Variants in MALRD1 observed in about 807,000 individuals in gnomAD.
MALRD1 encodes the protein MAM and LDL-receptor class A domain-containing protein 1.
A neutral mutation model predicts 242.1 loss-of-function variants in MALRD1; 247 were observed. The observed-to-expected ratio is 1.02, with a 90% confidence interval of 0.92 to 1.13. The LOEUF (loss-of-function observed/expected upper bound fraction) is 1.13, where lower values mean the gene tolerates loss of function less well. Among genes scored for constraint, MALRD1 ranks in the 50% most tolerant of loss-of-function variants. The pLI, the probability that MALRD1 is intolerant of heterozygous loss-of-function variation, is 0.00. For synonymous variants in MALRD1, 995 were observed against 866.6 expected, an observed-to-expected ratio of 1.15 and a Z score of -2.60; for missense variants, 2,989 against 2,533.1, an observed-to-expected ratio of 1.18 and a Z score of -3.86.
chr10:19,503,406 A>G lies in MALRD1; in HGVS notation c.5320+4760A>G, dbSNP rs754550968. Among the ~76,000 whole-genome samples the G allele has an allele frequency of 8.5e-5, 13 of 152,216 alleles. 1 individual carries two copies. The highest frequency in any genetic ancestry group is 1.3e-4 in the Non-Finnish European group (9 of 68,034). On this transcript the variant is annotated intron_variant, in intron 31 of 39. Transcript: ENST00000454679. ...GTTATCAAGATGAAGAATTAGATAC[A>G]TAAGAGGGCCATTTTCACTGCCCAT...
chr10:19,569,993 ATGAAAAC>A (rs1205316841), intron 33 of MALRD1, among the ~76,000 whole-genome samples: 4 of 151,888 alleles, frequency 2.6e-5, no homozygotes, highest in Non-Finnish European at 4.4e-5. Flanking sequence ...CATACTAACA[ATGAAAAC>A]TGATTGTGTG....
intron 24 of MALRD1, among the ~76,000 whole-genome samples, chr10:19,333,539 A>G (rs542998917): frequency 2.0e-5 from 3 of 152,138 alleles, no homozygotes; most frequent in African/African-American, 4.8e-5. Flanking sequence ...TCTTTATTCA[A>G]TCCACCATTG....
chr10:19,148,320 C>T (rs1267455018), intron 11 of MALRD1, among the ~76,000 whole-genome samples: 5 of 151,862 alleles, frequency 3.3e-5, no homozygotes. Context: ...ACGATGTTGA[C>T]ACTGCACCCA....
At chr10:19,730,638 A>G (rs1191743489) in intron 38 of MALRD1, 68 bp from the exon 39 acceptor site, 4 of 1,456,770 alleles carry the variant, frequency 2.7e-6, no homozygotes, top group African/African-American at 1.4e-5. Context: ...CTAACAAACA[A>G]TAACCTGAAA....
At chr10:19,098,978 G>A (rs773015921) in intron 4 of MALRD1, among the ~76,000 whole-genome samples, 2 of 152,124 alleles carry the variant, frequency 1.3e-5, no homozygotes, top group Non-Finnish European at 2.9e-5. Flanking sequence ...TAGGTGTGCC[G>A]TTTGCATAGG....
chr10:19,715,652 G>T (rs1435016879), intron 38 of MALRD1, among the ~76,000 whole-genome samples: 3 of 152,156 alleles, frequency 2.0e-5, no homozygotes, highest in African/African-American at 7.2e-5. Context: ...ATACCTGAGG[G>T]TGGGTAATTT....
At chr10:19,214,541 A>G (rs1159818651) in intron 18 of MALRD1, among the ~76,000 whole-genome samples, 6 of 152,200 alleles carry the variant, frequency 3.9e-5, no homozygotes, top group African/African-American at 9.6e-5. Context: ...TGTCCATTGA[A>G]TGAGACTCTC....
chr10:19,491,753 A>T (rs184794267), intron 30 of MALRD1, 108 bp downstream of exon 30: 1 of 1,256,386 alleles, frequency 8.0e-7, no homozygotes, highest in Non-Finnish European at 1.1e-6. Context: ...ATTTTCATGC[A>T]CTAGAGTAGA....
intron 36 of MALRD1, among the ~76,000 whole-genome samples, chr10:19,653,571 C>T (rs16919243): frequency 0.097 from 14,684 of 151,890 alleles, 1,824 homozygotes; most frequent in African/African-American, 0.29. Context: ...GTTTCTATGT[C>T]CTCTTGTGTT....
At chr10:19,677,132 G>A (rs1005729332) in intron 36 of MALRD1, among the ~76,000 whole-genome samples, 1 of 152,062 alleles carries the variant, frequency 6.6e-6, no homozygotes, top group Non-Finnish European at 1.5e-5. Context: ...ACATATGTGA[G>A]CCCGTATCTT....
chr10:19,306,104 A>ATACTATATATACTATATACTATATT (rs1564546845), intron 21 of MALRD1, among the ~76,000 whole-genome samples: 1 of 113,056 alleles, frequency 8.8e-6, no homozygotes, highest in East Asian at 2.4e-4. Flanking sequence ...TATACTAGAT[A>ATACTATATATACTATATACTATATT]GTATATATAT....
At chr10:19,431,762 G>A (rs1259594058) in intron 28 of MALRD1, among the ~76,000 whole-genome samples, 1 of 152,076 alleles carries the variant, frequency 6.6e-6, no homozygotes, top group South Asian at 2.1e-4. Flanking sequence ...GAAGACAAGT[G>A]AGCTGAGTTA....
chr10:19,412,655 AGCCTCCT>A (rs1183665415), intron 28 of MALRD1, among the ~76,000 whole-genome samples: 1 of 152,216 alleles, frequency 6.6e-6, no homozygotes, highest in Non-Finnish European at 1.5e-5. Context: ...TTAAACACAC[AGCCTCCT>A]GCACATGATG....
At chr10:19,462,312 A>T (rs2131100253) in intron 29 of MALRD1, among the ~76,000 whole-genome samples, 1 of 152,272 alleles carries the variant, frequency 6.6e-6, no homozygotes, top group African/African-American at 2.4e-5. Flanking sequence ...AGGTTTAATT[A>T]CCAGAGACTA....
At position 19,157,272 on chromosome 10, in the gene MALRD1, CTT is replaced by C. The variant is rs34652493; in HGVS notation, c.1656+2114_1656+2115del. The stretch of plus-strand genomic sequence containing the variant: ...GTGATATTTTCTTTTTCTTTCTTTC[CTT>C]TTTTTTTTTTTTTCCTGAGACAGAA... On this transcript the variant is annotated intron_variant, in intron 12 of 39. Transcript: ENST00000454679. 5.1e-3 allele frequency among the ~76,000 whole-genome samples: 702 copies of C among 137,674 alleles called. 6 individuals are homozygous for C. The highest frequency in any genetic ancestry group is 0.019 in the Middle Eastern group (5 of 264). The allele number at this position is 137,674 out of a possible 152,430, so 90.3% of individuals were successfully genotyped here.
chr10:19,441,642 AG>A (rs1437867122), intron 28 of MALRD1, among the ~76,000 whole-genome samples: 1 of 152,154 alleles, frequency 6.6e-6, no homozygotes, highest in Non-Finnish European at 1.5e-5. Flanking sequence ...AGATGGTTGT[AG>A]ATGTGTGGTA....
At chr10:19,287,804 A>C (rs1042243184) in intron 21 of MALRD1, among the ~76,000 whole-genome samples, 11 of 152,254 alleles carry the variant, frequency 7.2e-5, no homozygotes, top group African/African-American at 2.6e-4. Flanking sequence ...TCCCGTCATT[A>C]AGTGACACAT....
chr10:19,116,130 A>G (rs1323673573), intron 5 of MALRD1, among the ~76,000 whole-genome samples: 3 of 152,158 alleles, frequency 2.0e-5, no homozygotes, highest in Non-Finnish European at 4.4e-5. Context: ...AGTAGCTAGT[A>G]TGAAAAAAAA....
intron 28 of MALRD1, among the ~76,000 whole-genome samples, chr10:19,445,460 T>A (rs1017490861): frequency 6.6e-6 from 1 of 152,206 alleles, no homozygotes; most frequent in African/African-American, 2.4e-5. Context: ...CTACCTTTGG[T>A]CTTTGATGAT....
Sources: gnomAD v4.1 joint callset for allele counts (sites outside exome capture counted in the v4.1 genomes callset) on GRCh38, gnomAD v4.1.1 for gene constraint, MANE v1.5 for transcripts, NCBI Gene and HGNC (gene_info 2026-07-23, HGNC 2026-07-21) for gene names.